Variants in NRXN1 observed in about 807,000 individuals in gnomAD.
The protein encoded by NRXN1 is neurexin-1.
In NRXN1, 39 loss-of-function variants were observed where a neutral mutation model predicts 150.9. The observed-to-expected ratio is 0.26, with a 90% confidence interval of 0.20 to 0.34. NRXN1 has a LOEUF of 0.34. NRXN1 is among the 10% of genes least tolerant of loss of function. The pLI, the probability that NRXN1 is intolerant of heterozygous loss-of-function variation, is 1.00. For missense variants in NRXN1, 1,815 were observed against 1,949.9 expected (o/e 0.93, Z 1.30); for synonymous variants, 924 against 757.0 (o/e 1.22, Z -3.62).
At chr2:50,799,007 G>A (rs1707226350) in intron 5 of NRXN1, among the ~76,000 whole-genome samples, 1 of 152,052 alleles carries the variant, frequency 6.6e-6, no homozygotes, top group African/African-American at 2.4e-5. Flanking sequence ...TTTTACCATT[G>A]AAAGTAATGA....
chr2:50,245,774 A>G (rs961852994), intron 17 of NRXN1, among the ~76,000 whole-genome samples: 2 of 151,894 alleles, frequency 1.3e-5, no homozygotes, highest in Non-Finnish European at 2.9e-5. Context: ...TGACATAAAC[A>G]TAGAACTTAC....
chr2:50,983,318 A>C (rs1434520821), intron 2 of NRXN1, among the ~76,000 whole-genome samples: 1 of 152,060 alleles, frequency 6.6e-6, no homozygotes, highest in Admixed American at 6.6e-5. Flanking sequence ...TAGAAAAATC[A>C]ATTTATTTCC....
intron 5 of NRXN1, among the ~76,000 whole-genome samples, chr2:50,717,551 A>G (rs747774713): frequency 1.3e-5 from 2 of 152,202 alleles, no homozygotes; most frequent in African/African-American, 2.4e-5. Flanking sequence ...AAGTATTTTG[A>G]TAAGATTTGG....
At chr2:50,295,417 A>T in intron 17 of NRXN1, among the ~76,000 whole-genome samples, 1 of 152,184 alleles carries the variant, frequency 6.6e-6, no homozygotes, top group East Asian at 1.9e-4. Context: ...TCTACTCAAT[A>T]TTAAATGGGA....
chr2:50,380,350 A>C (rs1301951217), intron 17 of NRXN1, among the ~76,000 whole-genome samples: 1 of 151,912 alleles, frequency 6.6e-6, no homozygotes, highest in Non-Finnish European at 1.5e-5. Context: ...TCTGCTGATT[A>C]TACTATATAA....
At chr2:50,131,971 T>G (rs1413842590) in intron 18 of NRXN1, among the ~76,000 whole-genome samples, 1 of 152,166 alleles carries the variant, frequency 6.6e-6, no homozygotes, top group Non-Finnish European at 1.5e-5. Flanking sequence ...TCAGTGAGTG[T>G]GTGCGTGTGT....
chr2:50,072,737 C>G (rs760323355), intron 19 of NRXN1, among the ~76,000 whole-genome samples: 2 of 151,990 alleles, frequency 1.3e-5, no homozygotes, highest in Non-Finnish European at 2.9e-5. Flanking sequence ...AATTCCAAGC[C>G]CAACTTGGAC....
At chr2:50,488,378 T>A (rs1042842496) in intron 15 of NRXN1, among the ~76,000 whole-genome samples, 1 of 152,160 alleles carries the variant, frequency 6.6e-6, no homozygotes, top group Non-Finnish European at 1.5e-5. Context: ...GTGTTTGAGT[T>A]GATCAGGGGT....
chr2:50,302,972 C>G (rs531983491), intron 17 of NRXN1, among the ~76,000 whole-genome samples: 2 of 152,144 alleles, frequency 1.3e-5, no homozygotes, highest in African/African-American at 2.4e-5. Context: ...CATCCATCAA[C>G]GCATACATAG....
At chr2:50,464,772 C>A (rs1346874068) in intron 17 of NRXN1, among the ~76,000 whole-genome samples, 1 of 151,896 alleles carries the variant, frequency 6.6e-6, no homozygotes, top group Non-Finnish European at 1.5e-5. Flanking sequence ...AACATTAAGA[C>A]ACAGAACTTC....
chr2:50,369,317 A>G (rs897009930), intron 17 of NRXN1, among the ~76,000 whole-genome samples: 4 of 152,002 alleles, frequency 2.6e-5, no homozygotes, highest in Admixed American at 1.3e-4. Context: ...TTTTTATTAA[A>G]CACTTCCACA....
At chr2:50,110,506 A>AG (rs1402337454) in intron 18 of NRXN1, among the ~76,000 whole-genome samples, 1 of 151,526 alleles carries the variant, frequency 6.6e-6, no homozygotes, top group African/African-American at 2.4e-5. Context: ...AAAAAAAAAA[A>AG]AAAAAAGAAA....
intron 11 of NRXN1, among the ~76,000 whole-genome samples, chr2:50,529,159 T>C (rs2105191135): frequency 6.6e-6 from 1 of 152,324 alleles, no homozygotes; most frequent in East Asian, 1.9e-4. Flanking sequence ...CTAAGGGTTT[T>C]TGTTTTGTTT....
At chr2:50,507,784 T>C (rs2105011178) in intron 12 of NRXN1, among the ~76,000 whole-genome samples, 1 of 152,200 alleles carries the variant, frequency 6.6e-6, no homozygotes, top group African/African-American at 2.4e-5. Flanking sequence ...ATGAATTTTT[T>C]CCCTGGTGTT....
At chr2:50,760,644 G>A (rs1422514582) in intron 5 of NRXN1, among the ~76,000 whole-genome samples, 1 of 151,404 alleles carries the variant, frequency 6.6e-6, no homozygotes, top group East Asian at 2.0e-4. Context: ...TAAAAGTCTG[G>A]CAGAATCTCT....
intron 18 of NRXN1, among the ~76,000 whole-genome samples, chr2:50,134,444 C>G (rs1341404564): frequency 6.6e-6 from 1 of 152,132 alleles, no homozygotes; most frequent in Non-Finnish European, 1.5e-5. Context: ...TCTTGGCATG[C>G]AATGGGTCCC....
chr2:50,202,993 T>C (rs909843478), intron 18 of NRXN1, among the ~76,000 whole-genome samples: 1 of 151,812 alleles, frequency 6.6e-6, no homozygotes, highest in African/African-American at 2.4e-5. Flanking sequence ...GGAGAAGAAA[T>C]TGAAGGTCCC....
intron 5 of NRXN1, among the ~76,000 whole-genome samples, chr2:50,683,646 A>AAAAAAT: frequency 1.3e-4 from 2 of 14,910 alleles, no homozygotes; most frequent in Non-Finnish European, 2.2e-4. Flanking sequence ...AAAAAAAAAA[A>AAAAAAT]ATATATATAT....
At chr2:50,885,655 G>T (rs1242922524) in intron 5 of NRXN1, among the ~76,000 whole-genome samples, 1 of 151,382 alleles carries the variant, frequency 6.6e-6, no homozygotes, top group Non-Finnish European at 1.5e-5. Flanking sequence ...GAAGCCAGCA[G>T]AGAGCATCAT....
Sources: allele counts gnomAD v4.1 joint callset (sites outside exome capture counted in the v4.1 genomes callset), GRCh38; gene constraint gnomAD v4.1.1; transcripts MANE v1.5; gene names NCBI Gene and HGNC (gene_info 2026-07-23, HGNC 2026-07-21).